Variants in PTPRR observed in about 807,000 individuals in gnomAD.
The protein encoded by PTPRR is protein tyrosine phosphatase receptor type R, also known as receptor-type tyrosine-protein phosphatase R.
PTPRR carries 38 observed loss-of-function variants against 77.2 expected under a neutral mutation model. The observed-to-expected ratio is 0.49, with a 90% CI of 0.38 to 0.65. The LOEUF is 0.65. PTPRR is among the 30% of genes least tolerant of loss of function. The probability of loss-of-function intolerance (pLI) is 0.00; values close to 1 mark genes in which losing one functional copy is unlikely to be tolerated. For synonymous variants in PTPRR, 299 were observed against 283.1 expected (o/e 1.06, Z -0.57); for missense variants, 744 against 799.2 (o/e 0.93, Z 0.83).
chr12:70,813,657 C>G (rs2137033011), intron 2 of PTPRR, among the ~76,000 whole-genome samples: 1 of 152,210 alleles, frequency 6.6e-6, no homozygotes, highest in Non-Finnish European at 1.5e-5. Flanking sequence ...GACAGTGATC[C>G]TTGAGAGGAG....
intron 2 of PTPRR, among the ~76,000 whole-genome samples, chr12:70,788,655 T>G (rs535832487): frequency 4.6e-4 from 70 of 152,336 alleles, no homozygotes; most frequent in Non-Finnish European, 6.2e-4. Flanking sequence ...AATTTCAGAC[T>G]TTTAGGCTAA....
chr12:70,877,080 G>C (rs1240736214), intron 2 of PTPRR, among the ~76,000 whole-genome samples: 1 of 152,188 alleles, frequency 6.6e-6, no homozygotes, highest in Non-Finnish European at 1.5e-5. Flanking sequence ...CAGCTTTCCA[G>C]TCTCAGAGGA....
chr12:70,798,662 G>A (rs1173485806), intron 2 of PTPRR, among the ~76,000 whole-genome samples: 2 of 152,072 alleles, frequency 1.3e-5, no homozygotes, highest in African/African-American at 2.4e-5. Flanking sequence ...ATCTTGAAAT[G>A]CTGCTTACTC....
At chr12:70,748,683 C>A (rs1429128099) in intron 5 of PTPRR, among the ~76,000 whole-genome samples, 4 of 152,154 alleles carry the variant, frequency 2.6e-5, no homozygotes, top group African/African-American at 7.2e-5. Flanking sequence ...TGAAGCTTTT[C>A]TGCAGCTTAA....
intron 2 of PTPRR, among the ~76,000 whole-genome samples, chr12:70,816,487 GA>G (rs989197981): frequency 1.3e-5 from 2 of 151,260 alleles, no homozygotes; most frequent in African/African-American, 4.9e-5. Context: ...TCATTGAAGT[GA>G]AAAAAAACAT....
At chr12:70,788,865 C>A (rs1237390385) in intron 2 of PTPRR, 3 of 1,521,692 alleles carry the variant, frequency 2.0e-6, no homozygotes, top group Non-Finnish European at 2.6e-6. Context: ...TCCATTTGCA[C>A]TCTTCTTTGT....
At chr12:70,793,736 A>C (rs573325698) in intron 2 of PTPRR, among the ~76,000 whole-genome samples, 119 of 152,324 alleles carry the variant, frequency 7.8e-4, no homozygotes, top group African/African-American at 2.8e-3. Context: ...TCCAACTTAC[A>C]GTTCTGATTT....
chr12:70,770,346 A>G (rs1278136814), intron 2 of PTPRR, among the ~76,000 whole-genome samples: 1 of 152,166 alleles, frequency 6.6e-6, no homozygotes, highest in East Asian at 1.9e-4. Flanking sequence ...AAAAGTGGGC[A>G]AAGGATATGA....
chr12:70,768,910 A>G (rs1890897777), intron 2 of PTPRR, among the ~76,000 whole-genome samples: 1 of 151,580 alleles, frequency 6.6e-6, no homozygotes, highest in Non-Finnish European at 1.5e-5. Flanking sequence ...GACAAAAACC[A>G]CATGATTATC....
intron 10 of PTPRR, among the ~76,000 whole-genome samples, chr12:70,673,612 T>C (rs1887328933): frequency 1.3e-5 from 2 of 152,214 alleles, no homozygotes; most frequent in South Asian, 2.1e-4. Context: ...ATGTTGATTT[T>C]ATAAGATTTT....
chr12:70,639,180 T>A lies in PTPRR; in HGVS notation c.*4A>T. ...GATTGATGGTCTGACAAGTCTTCAA[T>A]GACTCACTGGACAGTCTCTGCTGAA... is the stretch of plus-strand genomic sequence containing the variant. On this transcript the variant is annotated 3_prime_UTR_variant, in exon 14 of 14. Transcript: ENST00000283228. 6.2e-7 allele frequency: 1 copy of A among 1,611,698 alleles called. No homozygotes were observed. The highest frequency in any genetic ancestry group is 8.5e-7 in the Non-Finnish European group (1 of 1,179,086).
chr12:70,876,207 A>C (rs1893049851), intron 2 of PTPRR, among the ~76,000 whole-genome samples: 1 of 152,138 alleles, frequency 6.6e-6, no homozygotes, highest in South Asian at 2.1e-4. Flanking sequence ...TCAATGGAAA[A>C]GGACATATAT....
intron 4 of PTPRR, among the ~76,000 whole-genome samples, chr12:70,755,156 G>A (rs1011567664): frequency 2.0e-5 from 3 of 152,006 alleles, no homozygotes; most frequent in African/African-American, 4.8e-5. Flanking sequence ...TATAGTTAAC[G>A]AAACTAACTT....
intron 13 of PTPRR, among the ~76,000 whole-genome samples, chr12:70,648,960 T>G (rs776272607): frequency 1.7e-4 from 26 of 152,116 alleles, no homozygotes; most frequent in Non-Finnish European, 2.9e-4. Flanking sequence ...GAATCTGCAA[T>G]GAGAACTGAG....
At chr12:70,641,816 C>T (rs1034296025) in intron 13 of PTPRR, among the ~76,000 whole-genome samples, 2 of 152,166 alleles carry the variant, frequency 1.3e-5, no homozygotes, top group Non-Finnish European at 2.9e-5. Flanking sequence ...CTAACTTTCA[C>T]CGCATTGGTC....
At chr12:70,688,126 A>AT (rs1038802572) in intron 8 of PTPRR, among the ~76,000 whole-genome samples, 9 of 152,124 alleles carry the variant, frequency 5.9e-5, no homozygotes, top group African/African-American at 1.4e-4. Context: ...TGTTGTATTC[A>AT]TTTTTTAAGA....
intron 1 of PTPRR, among the ~76,000 whole-genome samples, chr12:70,898,767 CAG>C (rs779626681): frequency 2.0e-5 from 3 of 150,716 alleles, no homozygotes; most frequent in South Asian, 2.1e-4. Context: ...ATTGAAAATA[CAG>C]AGAGAGAAAA....
intron 13 of PTPRR, among the ~76,000 whole-genome samples, chr12:70,650,533 G>T (rs1478482669): frequency 6.6e-6 from 1 of 152,100 alleles, no homozygotes; most frequent in Non-Finnish European, 1.5e-5. Flanking sequence ...AAGAGGGTTT[G>T]GCTTAGGAGG....
At chr12:70,816,648 A>G (rs1467949955) in intron 2 of PTPRR, among the ~76,000 whole-genome samples, 3 of 152,174 alleles carry the variant, frequency 2.0e-5, no homozygotes, top group Non-Finnish European at 4.4e-5. Flanking sequence ...TTTTTTAAAC[A>G]TATGTGGTGT....
Sources: allele counts gnomAD v4.1 joint callset (sites outside exome capture counted in the v4.1 genomes callset), GRCh38; gene constraint gnomAD v4.1.1; transcripts MANE v1.5; gene names NCBI Gene and HGNC (gene_info 2026-07-23, HGNC 2026-07-21).